EPB41: variants seen among roughly 807,000 people sequenced by gnomAD.
EPB41 encodes the protein protein 4.1.
Under a neutral mutation model 108.0 loss-of-function variants are expected in EPB41, and 65 were observed. The observed-to-expected ratio is 0.60, with a 90% CI of 0.49 to 0.74. The LOEUF is 0.74. Among genes scored for constraint, EPB41 ranks in the 30% least tolerant of loss-of-function variants. The pLI, the probability that EPB41 is intolerant of heterozygous loss-of-function variation, is 0.00. For missense variants in EPB41, 875 were observed against 1,037.0 expected (o/e 0.84, Z 2.15); for synonymous variants, 336 against 358.9 (o/e 0.94, Z 0.72).
At chr1:29,066,399 AC>A in intron 16 of EPB41, among the ~76,000 whole-genome samples, 1 of 152,202 alleles carries the variant, frequency 6.6e-6, no homozygotes, top group East Asian at 1.9e-4. Context: ...AGACTGGGCA[AC>A]AGAGTGAGAC....
chr1:29,035,330 A>G (rs950187011), intron 9 of EPB41, among the ~76,000 whole-genome samples: 8 of 152,106 alleles, frequency 5.3e-5, no homozygotes, highest in Admixed American at 2.0e-4. Flanking sequence ...AGTATGTACA[A>G]TTTTTATTTG....
chr1:29,040,364 C>A (rs1341101679), intron 11 of EPB41, among the ~76,000 whole-genome samples: 1 of 152,022 alleles, frequency 6.6e-6, no homozygotes, highest in African/African-American at 2.4e-5. Flanking sequence ...ACTGCAACCT[C>A]TGCCTACCAA....
chr1:28,913,092 A>C (rs1458798072), upstream of EPB41, among the ~76,000 whole-genome samples: 1 of 152,074 alleles, frequency 6.6e-6, no homozygotes, highest in African/African-American at 2.4e-5. Flanking sequence ...CTCCCACCTC[A>C]GCCTCCCACT....
At chr1:28,935,327 C>T (rs527634786) in intron 1 of EPB41, among the ~76,000 whole-genome samples, 9 of 151,346 alleles carry the variant, frequency 5.9e-5, no homozygotes, top group South Asian at 4.2e-4. Flanking sequence ...GCCAGCTACT[C>T]GGGAGTCTGA....
intron 2 of EPB41, among the ~76,000 whole-genome samples, chr1:28,991,565 A>C (rs567322274): frequency 6.6e-6 from 1 of 151,930 alleles, no homozygotes; most frequent in Non-Finnish European, 1.5e-5. Context: ...CTAGCTAGGC[A>C]TGGTGGCTCT....
intron 7 of EPB41, among the ~76,000 whole-genome samples, chr1:29,024,849 C>T (rs368656872): frequency 3.9e-5 from 6 of 152,014 alleles, no homozygotes; most frequent in African/African-American, 1.2e-4. Flanking sequence ...AATAATGGAT[C>T]GCCGTGACCA....
At chr1:28,894,638 T>C (rs912872870) in intron 1 of EPB41, among the ~76,000 whole-genome samples, 1 of 151,948 alleles carries the variant, frequency 6.6e-6, no homozygotes, top group Non-Finnish European at 1.5e-5. Flanking sequence ...ATGGGAGGGA[T>C]GGGGAGGGAC....
intron 1 of EPB41, among the ~76,000 whole-genome samples, chr1:28,929,689 G>A (rs1204838040): frequency 2.0e-5 from 3 of 151,290 alleles, no homozygotes; most frequent in African/African-American, 4.9e-5. Context: ...GCGCCACCAC[G>A]CCTGGCTAAT....
intron 11 of EPB41, 115 bp downstream of exon 11, chr1:29,039,541 A>C: frequency 3.0e-6 from 4 of 1,344,172 alleles, no homozygotes; most frequent in Non-Finnish European, 4.1e-6. Flanking sequence ...GGCCTGGTGC[A>C]GTGGCTTACA....
intron 10 of EPB41, among the ~76,000 whole-genome samples, chr1:29,038,489 A>G (rs561133830): frequency 3.9e-5 from 6 of 152,244 alleles, no homozygotes; most frequent in Non-Finnish European, 7.3e-5. Flanking sequence ...ATTGAAATCA[A>G]TTACCTCAAA....
chr1:29,033,810 C>G (rs1444483122), intron 9 of EPB41, among the ~76,000 whole-genome samples: 1 of 152,134 alleles, frequency 6.6e-6, no homozygotes, highest in Non-Finnish European at 1.5e-5. Context: ...TATGGAATAG[C>G]ATAAAATTGT....
intron 1 of EPB41, among the ~76,000 whole-genome samples, chr1:28,909,448 A>G (rs2092099475): frequency 6.6e-6 from 1 of 151,966 alleles, no homozygotes; most frequent in African/African-American, 2.4e-5. Context: ...AGCCTGGGCA[A>G]CAGAGTGAGA....
At chr1:28,968,972 C>A (rs112649272) in intron 1 of EPB41, among the ~76,000 whole-genome samples, 17,962 of 137,338 alleles carry the variant, frequency 0.13, 1,481 homozygotes, top group African/African-American at 0.27. Context: ...CTCCAAAACC[C>A]CCCACCCCCC....
At chr1:29,079,330 A>G (rs1655431060) in intron 16 of EPB41, among the ~76,000 whole-genome samples, 2 of 151,908 alleles carry the variant, frequency 1.3e-5, no homozygotes, top group Admixed American at 1.3e-4. Flanking sequence ...CTTTTGGTAT[A>G]CTTTAGTGTT....
intron 17 of EPB41, 115 bp from the exon 18 acceptor site, chr1:29,109,221 C>CTA: frequency 1.2e-6 from 1 of 802,510 alleles, no homozygotes. Flanking sequence ...AGAGGTCATT[C>CTA]TAAGGGAATG....
At position 29,033,244 on chromosome 1, in the gene EPB41, A is replaced by G. The variant is rs1452035407; in HGVS notation, c.1364A>G (p.Glu455Gly). The G allele has an allele frequency of 6.2e-7, 1 of 1,613,796 alleles. No individual in the cohort carries two copies. The highest frequency in any genetic ancestry group is 8.5e-7 in the Non-Finnish European group (1 of 1,179,858). Reference protein sequence around the residue: ...SSFFIKIRPGEQEQYESTIGF... With the variant: ...SSFFIKIRPGGQEQYESTIGF... Reference sequence around the variant, plus strand: ...TTTTTCATCAAGATTCGGCCTGGAGAGGTACAGAATTTATATTTCCTTCCT... The same window carrying G: ...TTTTTCATCAAGATTCGGCCTGGAGGGGTACAGAATTTATATTTCCTTCCT... Residue 455 changes from glutamate (E) to glycine (G), a missense_variant and splice_region_variant, in exon 9 of 21, where the codon GAG becomes GGG. This residue lies in a region of EPB41 where 519 missense variants were observed against 627.3 expected (regional missense o/e 0.83). Coordinates refer to ENST00000343067, the MANE Select transcript of EPB41 (RefSeq NM_001376013.1).
chr1:29,015,049 C>CAG (rs2096560271), intron 5 of EPB41, among the ~76,000 whole-genome samples: 2 of 152,084 alleles, frequency 1.3e-5, no homozygotes, highest in Non-Finnish European at 2.9e-5. Flanking sequence ...CAGAGTATCT[C>CAG]TGTCATTAAG....
At position 29,119,466 on chromosome 1, in the gene EPB41, A is replaced by T. The variant is rs1671520493; in HGVS notation, c.*2654A>T. On this transcript the variant is annotated 3_prime_UTR_variant, in exon 21 of 21. Transcript: ENST00000343067. ...AATTTTATTTTAATTTGAGAAATAA[A>T]GATTTCCTCCAAGCCACATGAGGAC... 6.6e-6 allele frequency: 1 copy of T among 152,482 alleles called. No individual in the cohort carries two copies. Among genetic ancestry groups the T allele is most frequent in the African/African-American group, 2.4e-5 (1 of 41,466 alleles). The allele number at this position is 152,482 out of a possible 1,614,324, so 9.4% of individuals were successfully genotyped here.
intron 1 of EPB41, chr1:28,902,245 T>A: frequency 1.0e-6 from 1 of 985,434 alleles, no homozygotes; most frequent in Non-Finnish European, 1.2e-6. Flanking sequence ...GCTCTTTTGC[T>A]TCTGATTGCT....
Sources: gnomAD v4.1 joint callset for allele counts (sites outside exome capture counted in the v4.1 genomes callset) on GRCh38, gnomAD v4.1.1 for gene constraint, gnomAD v4.1.1 regional missense constraint, MANE v1.5 for transcripts, NCBI Gene and HGNC (gene_info 2026-07-23, HGNC 2026-07-21) for gene names.